TRPM5: variants seen among roughly 807,000 people sequenced by gnomAD.
The protein encoded by TRPM5 is MLSN1 and TRP-related.
A neutral mutation model predicts 124.9 loss-of-function variants in TRPM5; 121 were observed. The ratio of observed to expected loss-of-function variants is 0.97; its 90% CI spans 0.84 to 1.13. The LOEUF (loss-of-function observed/expected upper bound fraction) is 1.13. Among genes scored for constraint, TRPM5 ranks in the 50% most tolerant of loss-of-function variants. TRPM5 has a pLI of 0.00. For missense variants in TRPM5, 1,643 were observed against 1,589.1 expected (o/e 1.03, Z -0.58); for synonymous variants, 781 against 700.5 (o/e 1.11, Z -1.81).
intron 12 of TRPM5, 52 bp downstream of exon 17, chr11:2,414,009 G>GGGGCGCCCCCCCCCC: frequency 1.1e-5 from 11 of 1,023,726 alleles, no homozygotes; most frequent in East Asian, 2.8e-5. Flanking sequence ...GGCCCAGCTC[G>GGGGCGCCCCCCCCCC]CCCGCCCACC....
the TRPM5 span, among the ~76,000 whole-genome samples, chr11:2,432,353 A>G: frequency 6.6e-6 from 1 of 152,208 alleles, no homozygotes; most frequent in Non-Finnish European, 1.5e-5. Flanking sequence ...CCACGCCAGT[A>G]GAGCAGGACT....
At chr11:2,421,778 G>C (rs1380421563) in intron 2 of TRPM5, among the ~76,000 whole-genome samples, 1 of 152,200 alleles carries the variant, frequency 6.6e-6, no homozygotes, top group African/African-American at 2.4e-5. Context: ...CTGGTCCCAG[G>C]TGAGTGGGAG....
chr11:2,443,826 C>G, the TRPM5 span, among the ~76,000 whole-genome samples: 6 of 149,002 alleles, frequency 4.0e-5, no homozygotes, highest in South Asian at 2.2e-4. The surrounding 1 kb of genome is among the most constrained non-coding windows in gnomAD (Gnocchi z 5.0). Context: ...GCCCCCCACC[C>G]CCCCCCCAAG....
Position 2,405,058 on chromosome 11 carries a change from G to C in TRPM5, c.3392-15C>G, listed in dbSNP as rs759434514. On this transcript the variant is annotated splice_polypyrimidine_tract_variant and intron_variant, in intron 23 of 23. Coordinates refer to ENST00000155858, the Ensembl canonical transcript of TRPM5. ...GTGCTGAGAGCCTGCTGGGAAGGAA[G>C]GCCCCCCTGAGCGGTGGGAACCAGC... The C allele has an allele frequency of 1.2e-6, 2 of 1,608,414 alleles. No individual in the cohort carries two copies. The highest frequency in any genetic ancestry group is 1.1e-5 in the South Asian group (1 of 90,774).
the TRPM5 span, among the ~76,000 whole-genome samples, chr11:2,442,033 C>A: frequency 1.6e-4 from 24 of 152,108 alleles, no homozygotes; most frequent in African/African-American, 5.1e-4. The surrounding 1 kb of genome is among the most constrained non-coding windows in gnomAD (Gnocchi z 5.9). Context: ...GACCGCCCTG[C>A]CTTTTCACTC....
chr11:2,416,778 G>A (rs980100625), intron 7 of TRPM5, among the ~76,000 whole-genome samples: 5 of 152,144 alleles, frequency 3.3e-5, no homozygotes, highest in Admixed American at 6.5e-5. Flanking sequence ...GCCTGCCAGC[G>A]TCCAGCCCTT....
At chr11:2,421,304 C>A in intron 2 of TRPM5, 106 bp from the exon 8 acceptor site, 1 of 1,370,868 alleles carries the variant, frequency 7.3e-7, no homozygotes, top group Non-Finnish European at 9.7e-7. Context: ...TACCTGGGAG[C>A]CAGGGGTGGG....
At chr11:2,407,193 A>T in exon 20 of TRPM5, 2 of 1,610,860 alleles carry the variant, frequency 1.2e-6, no homozygotes, top group Non-Finnish European at 1.7e-6. Context: ...GCTGAGCAGG[A>T]TGAAGGGCGG....
chr11:2,428,411 G>C, the TRPM5 span, among the ~76,000 whole-genome samples: 1 of 152,224 alleles, frequency 6.6e-6, no homozygotes. The surrounding 1 kb of genome is among the most constrained non-coding windows in gnomAD (Gnocchi z 4.0). Flanking sequence ...CATGGGCAGA[G>C]TCTGAGGCAG....
intron 14 of TRPM5, 21 bp from the exon 20 acceptor site, chr11:2,413,033 C>T (rs747417116): frequency 1.3e-6 from 2 of 1,591,072 alleles, no homozygotes; most frequent in East Asian, 2.3e-5. Context: ...GAGAAGTTCG[C>T]AGTGGTGAGG....
intron 11 of TRPM5, 110 bp downstream of exon 16, chr11:2,414,605 A>G (rs1182014130): frequency 8.6e-6 from 12 of 1,390,944 alleles, no homozygotes; most frequent in African/African-American, 1.5e-5. Flanking sequence ...GGGCACCTGG[A>G]GCCCCACGGC....
At chr11:2,424,814 C>T (rs1019720899), upstream of TRPM5, among the ~76,000 whole-genome samples, 22 of 152,154 alleles carry the variant, frequency 1.4e-4, no homozygotes, top group Non-Finnish European at 2.6e-4. Flanking sequence ...GTCTTGGCTG[C>T]CCAGGGCCCC....
At chr11:2,412,210 G>A (rs878958838) in exon 16 of TRPM5, 3 of 1,613,596 alleles carry the variant, frequency 1.9e-6, no homozygotes, top group South Asian at 1.1e-5. Context: ...CACATACAGT[G>A]TGAACTTCTT....
exon 24 of TRPM5, chr11:2,404,965 C>T (rs1850283123): frequency 1.9e-6 from 3 of 1,612,592 alleles, no homozygotes; most frequent in Non-Finnish European, 2.5e-6. Flanking sequence ...CTGGCCAGCC[C>T]CGGGTTGTTC....
exon 20 of TRPM5, chr11:2,407,121 A>T: frequency 7.0e-7 from 1 of 1,432,434 alleles, no homozygotes; most frequent in Non-Finnish European, 9.3e-7. Context: ...GGCCTCACCC[A>T]GGTGCTCCCG....
At chr11:2,428,352 G>A in the TRPM5 span, among the ~76,000 whole-genome samples, 1 of 152,198 alleles carries the variant, frequency 6.6e-6, no homozygotes, top group Non-Finnish European at 1.5e-5. The surrounding 1 kb of genome is among the most constrained non-coding windows in gnomAD (Gnocchi z 4.0). Flanking sequence ...CTGGGACCCT[G>A]GTGGCCTCTC....
chr11:2,412,105 G>A (rs927965357), intron 16 of TRPM5, 30 bp downstream of exon 21: 2 of 1,587,802 alleles, frequency 1.3e-6, no homozygotes, highest in African/African-American at 1.3e-5. Flanking sequence ...AAGCCGCCCT[G>A]AGGCCACACG....
intron 19 of TRPM5, 105 bp downstream of exon 24, chr11:2,407,654 C>T (rs1328397668): frequency 6.9e-7 from 1 of 1,443,966 alleles, no homozygotes; most frequent in African/African-American, 1.4e-5. Context: ...CCAAGCCTCA[C>T]CCTCTGCAGC....
chr11:2,435,497 CTCCATCCG>C, the TRPM5 span, among the ~76,000 whole-genome samples: 1 of 151,852 alleles, frequency 6.6e-6, no homozygotes, highest in Non-Finnish European at 1.5e-5. The surrounding 1 kb of genome is among the most constrained non-coding windows in gnomAD (Gnocchi z 4.1). Flanking sequence ...CAATCCATCC[CTCCATCCG>C]TCCATCTGTC....
Sources: allele counts gnomAD v4.1 joint callset (sites outside exome capture counted in the v4.1 genomes callset), GRCh38; gene constraint gnomAD v4.1.1; non-coding constraint Gnocchi (gnomAD v3.1); transcripts MANE v1.5; gene names NCBI Gene and HGNC (gene_info 2026-07-23, HGNC 2026-07-21).